MALRD1: variants seen among roughly 807,000 people sequenced by gnomAD.
The protein encoded by MALRD1 is MAM and LDL-receptor class A domain-containing protein 1.
A neutral mutation model predicts 242.1 loss-of-function variants in MALRD1; 247 were observed. That is an observed-to-expected ratio of 1.02 (90% CI 0.92 to 1.13). The LOEUF (loss-of-function observed/expected upper bound fraction) is 1.13, where lower values mean the gene tolerates loss of function less well. Ranked by LOEUF, MALRD1 falls within the 50% of genes most tolerant of loss-of-function variation. The pLI is 0.00. For synonymous variants in MALRD1, 995 were observed against 866.6 expected, an observed-to-expected ratio of 1.15 and a Z score of -2.60; for missense variants, 2,989 against 2,533.1, an observed-to-expected ratio of 1.18 and a Z score of -3.86.
At chr10:19,151,537 T>C (rs1833943343) in intron 11 of MALRD1, among the ~76,000 whole-genome samples, 1 of 152,154 alleles carries the variant, frequency 6.6e-6, no homozygotes. Context: ...TGTTGTTTTA[T>C]GTACTGGACA....
chr10:19,354,510 T>C (rs1411783948), intron 26 of MALRD1, among the ~76,000 whole-genome samples: 1 of 152,090 alleles, frequency 6.6e-6, no homozygotes, highest in Non-Finnish European at 1.5e-5. Flanking sequence ...AACCAACCTC[T>C]CTTTATCTCC....
intron 29 of MALRD1, among the ~76,000 whole-genome samples, chr10:19,462,375 G>T (rs986398416): frequency 3.3e-5 from 5 of 152,182 alleles, no homozygotes; most frequent in African/African-American, 1.2e-4. Context: ...CTAGCCAATT[G>T]TAAATCTGCT....
In MALRD1 at chr10:19,432,636, CAATGAACAA is replaced by C. The variant is rs535302907; in HGVS notation, c.4846-17669_4846-17661del. On this transcript the variant is annotated intron_variant, in intron 28 of 39. Transcript: ENST00000454679. ...TCTTAAATTGTGATAGGAAGACAGA[CAATGAACAA>C]ATATGATTTTGATAAGAGAAGTGAA... Among the ~76,000 whole-genome samples the C allele has an allele frequency of 7.2e-5, 11 of 152,128 alleles. No homozygotes were observed. The East Asian group carries it at 2.1e-3, about 29-fold the overall frequency.
At chr10:19,505,173 A>C (rs549861711) in intron 31 of MALRD1, among the ~76,000 whole-genome samples, 35 of 152,254 alleles carry the variant, frequency 2.3e-4, no homozygotes, top group Middle Eastern at 3.4e-3. Flanking sequence ...TAAGTTAAGG[A>C]AAAATAGTTC....
intron 36 of MALRD1, among the ~76,000 whole-genome samples, chr10:19,631,591 C>T (rs1839908012): frequency 6.6e-6 from 1 of 152,122 alleles, no homozygotes; most frequent in African/African-American, 2.4e-5. Flanking sequence ...AATGGTTGAA[C>T]TAATTTACAC....
Position 19,082,740 on chromosome 10 carries a change from T to C in MALRD1, c.341-5100T>C, listed in dbSNP as rs750071962. Among the ~76,000 whole-genome samples, 10 of 151,974 alleles carry C rather than the reference T, an allele frequency of 6.6e-5. No individual in the cohort carries two copies. The South Asian group carries it at 1.0e-3, about 16-fold the overall frequency. ...TCACTCTCCCAAAAACTCCCACACA[T>C]TTGCTTCTGTTACTGTTTGTTGTAG... On this transcript the variant is annotated intron_variant, in intron 2 of 39. Transcript: ENST00000454679.
At chr10:19,445,559 C>T (rs928437409) in intron 28 of MALRD1, among the ~76,000 whole-genome samples, 30 of 152,240 alleles carry the variant, frequency 2.0e-4, no homozygotes, top group African/African-American at 5.8e-4. Flanking sequence ...TGCAGGTTTG[C>T]TGGAGGTCTA....
chr10:19,435,797 C>CA (rs1342025877), intron 28 of MALRD1, among the ~76,000 whole-genome samples: 1 of 152,104 alleles, frequency 6.6e-6, no homozygotes, highest in African/African-American at 2.4e-5. Flanking sequence ...GTGTGCAGCC[C>CA]ACGCTCAAGG....
At chr10:19,119,086 G>T (rs1836973495) in intron 5 of MALRD1, among the ~76,000 whole-genome samples, 1 of 152,138 alleles carries the variant, frequency 6.6e-6, no homozygotes, top group Non-Finnish European at 1.5e-5. Context: ...TTGGATTCTG[G>T]ATGTGTTTTA....
At chr10:19,288,551 T>A (rs1425922589) in intron 21 of MALRD1, among the ~76,000 whole-genome samples, 1 of 152,084 alleles carries the variant, frequency 6.6e-6, no homozygotes, top group East Asian at 1.9e-4. Context: ...ATGGTAATAA[T>A]TATTTTAAGT....
At chr10:19,627,381 T>C (rs977799536) in intron 36 of MALRD1, among the ~76,000 whole-genome samples, 2 of 151,816 alleles carry the variant, frequency 1.3e-5, no homozygotes, top group African/African-American at 4.8e-5. Context: ...GTATTCAGTG[T>C]GGTAAAAGAC....
chr10:19,222,156 G>A (rs1837583771), intron 18 of MALRD1, among the ~76,000 whole-genome samples: 1 of 151,118 alleles, frequency 6.6e-6, no homozygotes, highest in Non-Finnish European at 1.5e-5. Flanking sequence ...TTTCCTTCTT[G>A]TTCCCTCCCT....
At chr10:19,453,305 A>G (rs1030238176) in intron 29 of MALRD1, among the ~76,000 whole-genome samples, 1 of 152,210 alleles carries the variant, frequency 6.6e-6, no homozygotes, top group Non-Finnish European at 1.5e-5. Flanking sequence ...TGAAATGTAC[A>G]GAACAGACAA....
intron 5 of MALRD1, among the ~76,000 whole-genome samples, chr10:19,120,270 A>C (rs966702559): frequency 6.6e-6 from 1 of 152,162 alleles, no homozygotes; most frequent in African/African-American, 2.4e-5. Flanking sequence ...AAAGAGTTTT[A>C]TGCAAAAGCC....
intron 18 of MALRD1, among the ~76,000 whole-genome samples, chr10:19,247,518 A>T (rs1033588211): frequency 6.6e-6 from 1 of 151,862 alleles, no homozygotes; most frequent in Non-Finnish European, 1.5e-5. Context: ...TAAATTATAG[A>T]TTTTGATGAA....
chr10:19,256,606 A>C (rs1290270177), intron 18 of MALRD1, among the ~76,000 whole-genome samples: 1 of 152,084 alleles, frequency 6.6e-6, no homozygotes, highest in Non-Finnish European at 1.5e-5. Context: ...AACATTTCCC[A>C]AATTAATTAA....
intron 12 of MALRD1, among the ~76,000 whole-genome samples, chr10:19,155,677 A>T (rs1464249256): frequency 1.3e-5 from 2 of 152,204 alleles, no homozygotes; most frequent in African/African-American, 2.4e-5. Flanking sequence ...CTCTTTTGCC[A>T]CTTTCTAACT....
Position 19,389,437 on chromosome 10 carries a change from T to G in MALRD1, c.4688-15T>G. ...TGTTATTTCGTTCTTCTCTGAATTC[T>G]GTCCTTGTTCCTAGGGCACTTCATG... On this transcript the variant is annotated splice_polypyrimidine_tract_variant and intron_variant, in intron 27 of 39. Transcript: ENST00000454679. 1.3e-6 allele frequency: 2 copies of G among 1,549,040 alleles called. No individual in the cohort carries two copies. The highest frequency in any genetic ancestry group is 2.4e-5 in the South Asian group (2 of 83,984).
At chr10:19,048,429 G>A (rs928822151), upstream of MALRD1, among the ~76,000 whole-genome samples, 6 of 152,234 alleles carry the variant, frequency 3.9e-5, no homozygotes, top group African/African-American at 9.6e-5. Context: ...TAATGGAAAA[G>A]CATTTTATTT....
Sources: gnomAD v4.1 joint callset for allele counts (sites outside exome capture counted in the v4.1 genomes callset) on GRCh38, gnomAD v4.1.1 for gene constraint, MANE v1.5 for transcripts, NCBI Gene and HGNC (gene_info 2026-07-23, HGNC 2026-07-21) for gene names.